Variants in DOCK10 observed in about 807,000 individuals in gnomAD.
The protein encoded by DOCK10 is dedicator of cytokinesis protein 10.
DOCK10 carries 145 observed loss-of-function variants against 280.1 expected under a neutral mutation model. That is an observed-to-expected ratio of 0.52 (90% CI 0.45 to 0.59). DOCK10 has a LOEUF of 0.59. Among genes scored for constraint, DOCK10 ranks in the 20% least tolerant of loss-of-function variants. The pLI is 0.00. For synonymous variants in DOCK10, 915 were observed against 942.2 expected (o/e 0.97, Z 0.53); for missense variants, 2,368 against 2,651.7 (o/e 0.89, Z 2.35).
intron 26 of DOCK10, among the ~76,000 whole-genome samples, chr2:224,831,680 T>G (rs1175039122): frequency 3.3e-5 from 5 of 152,228 alleles, no homozygotes; most frequent in African/African-American, 4.8e-5. Flanking sequence ...GGTAGGGCCT[T>G]GTACGCCTGA....
intron 33 of DOCK10, chr2:224,807,330 A>AG (rs1318612720): frequency 4.0e-5 from 8 of 200,060 alleles, no homozygotes; most frequent in African/African-American, 9.4e-5. Context: ...TTCTGACACC[A>AG]GGGGGGGATG....
intron 13 of DOCK10, among the ~76,000 whole-genome samples, chr2:224,864,111 C>T (rs1697708331): frequency 6.6e-6 from 1 of 152,136 alleles, no homozygotes; most frequent in Admixed American, 6.5e-5. Flanking sequence ...AAAAGATAAG[C>T]TTAAAAAAAT....
rs778453458 is a variant in DOCK10, at chr2:224,845,635, A to G, written c.2243T>C (p.Ile748Thr). The G allele has an allele frequency of 9.9e-6, 16 of 1,609,262 alleles. No individual in the cohort carries two copies. Among genetic ancestry groups the G allele is most frequent in the South Asian group, 5.6e-5 (5 of 89,680 alleles). ...QNPDFSDEVK[I>T]ELPTQLHEKH... ...CTCATGGAGTTGTGTTGGTAGCTCA[A>G]TTTTCACCTGCAACGAAAGAAACCA... Residue 748 changes from isoleucine (I) to threonine (T), a missense_variant, in exon 20 of 56, where the codon ATT (isoleucine) becomes ACT (threonine). Ile to Thr is a moderately conservative substitution (Grantham distance 89, BLOSUM62 -1). Around this residue, in one of 2 missense-constraint regions of DOCK10, gnomAD observed 1,209 missense variants for 1,250.9 expected, o/e 0.97. Coordinates refer to ENST00000258390, the MANE Select transcript of DOCK10 (RefSeq NM_014689.3).
chr2:224,966,297 C>G (rs1378583602), intron 1 of DOCK10, among the ~76,000 whole-genome samples: 1 of 124,788 alleles, frequency 8.0e-6, no homozygotes, highest in East Asian at 2.9e-4. Flanking sequence ...CCCCACCCCC[C>G]ACCCCCCGTG....
intron 1 of DOCK10, among the ~76,000 whole-genome samples, chr2:224,938,720 C>T (rs1702838775): frequency 6.6e-6 from 1 of 152,184 alleles, no homozygotes. Flanking sequence ...AAGCCAACTT[C>T]CACGCCACTT....
chr2:224,983,655 C>G (rs532018651), intron 1 of DOCK10: 19 of 414,838 alleles, frequency 4.6e-5, no homozygotes, highest in Admixed American at 4.2e-4. Flanking sequence ...GATGCTCAAA[C>G]AGGCATTAAT....
At chr2:224,921,134 T>TATATATATATATATATATATATATAA (rs1210407698) in intron 2 of DOCK10, among the ~76,000 whole-genome samples, 4 of 109,178 alleles carry the variant, frequency 3.7e-5, no homozygotes, top group African/African-American at 1.3e-4. Flanking sequence ...TATATATATA[T>TATATATATATATATATATATATATAA]AATGTATATA....
At chr2:225,035,253 G>T (rs962692938) in intron 1 of DOCK10, among the ~76,000 whole-genome samples, 10 of 151,980 alleles carry the variant, frequency 6.6e-5, no homozygotes, top group Non-Finnish European at 8.8e-5. Context: ...CAAGGAAAGA[G>T]TATCTCAGGA....
chr2:224,892,397 C>CAAAAAAAAAAAAAAAAAAAAAA (rs1174651393), intron 4 of DOCK10, among the ~76,000 whole-genome samples: 5 of 52,254 alleles, frequency 9.6e-5, no homozygotes, highest in Admixed American at 5.9e-4. Context: ...GACCCTGTCT[C>CAAAAAAAAAAAAAAAAAAAAAA]AAAAAAAAAA....
intron 18 of DOCK10, among the ~76,000 whole-genome samples, chr2:224,851,609 G>A (rs1696747701): frequency 6.6e-6 from 1 of 152,010 alleles, no homozygotes; most frequent in African/African-American, 2.4e-5. Flanking sequence ...GACTACCACA[G>A]AGAATGGTGG....
At chr2:224,941,196 T>C (rs1017271716) in intron 1 of DOCK10, among the ~76,000 whole-genome samples, 2 of 146,994 alleles carry the variant, frequency 1.4e-5, no homozygotes, top group Admixed American at 1.4e-4. Flanking sequence ...ACATTACTGC[T>C]CTTTTTTTTT....
At chr2:224,856,062 A>G (rs1434282255) in intron 15 of DOCK10, among the ~76,000 whole-genome samples, 4 of 152,158 alleles carry the variant, frequency 2.6e-5, no homozygotes, top group Non-Finnish European at 5.9e-5. Context: ...GGAATCAGCA[A>G]TGGTAGGAGA....
Position 224,808,060 on chromosome 2 carries a change from CATTTGTGACTGA to C in DOCK10, c.3424_3435del (p.Ser1142_Asn1145del). The C allele has an allele frequency of 6.2e-7, 1 of 1,612,212 alleles. No homozygotes were observed. The highest frequency in any genetic ancestry group is 8.5e-7 in the Non-Finnish European group (1 of 1,179,080). ...ATTAAGAAGTGTTTGCGACAAAATT[CATTTGTGACTGA>C]ATATTCAGGCATATCTTTGTGAGGA... On this transcript the variant is annotated inframe_deletion, in exon 32 of 56. Transcript: ENST00000258390.
chr2:224,781,522 G>A (rs138384207), intron 50 of DOCK10, among the ~76,000 whole-genome samples: 1 of 152,276 alleles, frequency 6.6e-6, no homozygotes, highest in East Asian at 1.9e-4. Flanking sequence ...CTGAAGGAAG[G>A]CTTCAATTTC....
intron 19 of DOCK10, among the ~76,000 whole-genome samples, chr2:224,849,117 A>G (rs1046831832): frequency 1.4e-4 from 22 of 152,138 alleles, no homozygotes; most frequent in African/African-American, 4.8e-4. Context: ...CTGGGATTAC[A>G]GGCACGTGCC....
chr2:224,804,134 T>C lies in DOCK10; in HGVS notation c.4246A>G (p.Thr1416Ala). The change falls in exon 39 of 56, where the codon ACA becomes GCA. Residue 1416 changes from threonine (T) to alanine (A), a missense_variant. Thr to Ala is a moderately conservative substitution (Grantham distance 58, BLOSUM62 0). Transcript: ENST00000258390. ...TACCATTGTGACAAGAGACCTGATG[T>C]CTGGCAGGAAGGATTGGATCCTTTG... ...TLKGSNPSCQ[T>A]SGLLSQWMHS... 1.9e-6 allele frequency: 3 copies of C among 1,610,862 alleles called. No individual in the cohort carries two copies. Among genetic ancestry groups the C allele is most frequent in the Non-Finnish European group, 2.5e-6 (3 of 1,177,612 alleles).
intron 1 of DOCK10, among the ~76,000 whole-genome samples, chr2:224,958,677 TAA>T (rs879270883): frequency 6.9e-6 from 1 of 145,168 alleles, no homozygotes; most frequent in Non-Finnish European, 1.5e-5. Context: ...ATCATATGTT[TAA>T]AAAAAAAAAA....
chr2:225,018,831 G>GTACA, intron 1 of DOCK10, among the ~76,000 whole-genome samples: 3 of 142,602 alleles, frequency 2.1e-5, no homozygotes, highest in African/African-American at 8.2e-5. Context: ...ATATGTATGT[G>GTACA]TATATACATA....
intron 1 of DOCK10, among the ~76,000 whole-genome samples, chr2:224,938,675 A>G (rs1389981358): frequency 6.6e-6 from 1 of 152,190 alleles, no homozygotes; most frequent in Non-Finnish European, 1.5e-5. Context: ...CCTTGACTTA[A>G]TCCAGGACCC....
Sources: allele counts gnomAD v4.1 joint callset (sites outside exome capture counted in the v4.1 genomes callset), GRCh38; gene constraint gnomAD v4.1.1; regional missense constraint gnomAD v4.1.1; transcripts MANE v1.5; gene names NCBI Gene and HGNC (gene_info 2026-07-23, HGNC 2026-07-21).